Variants in VIT observed in about 807,000 individuals in gnomAD.
VIT encodes vitrin.
VIT carries 99 observed loss-of-function variants against 78.0 expected under a neutral mutation model. The observed-to-expected ratio is 1.27, with a 90% CI of 1.08 to 1.50. The LOEUF (loss-of-function observed/expected upper bound fraction) is 1.50, where lower values mean the gene tolerates loss of function less well. Among genes scored for constraint, VIT ranks in the 40% most tolerant of loss-of-function variants. The pLI, the probability that VIT is intolerant of heterozygous loss-of-function variation, is 0.00. For synonymous variants in VIT, 374 were observed against 334.3 expected, an observed-to-expected ratio of 1.12 and a Z score of -1.29; for missense variants, 1,126 against 875.3, an observed-to-expected ratio of 1.29 and a Z score of -3.61.
At chr2:36,726,833 A>C (rs985366160) in intron 2 of VIT, among the ~76,000 whole-genome samples, 1 of 147,796 alleles carries the variant, frequency 6.8e-6, no homozygotes. Context: ...AAAAAAAAAA[A>C]AAAAAAAAAA....
At chr2:36,736,612 T>C (rs976046011) in intron 3 of VIT, among the ~76,000 whole-genome samples, 9 of 152,216 alleles carry the variant, frequency 5.9e-5, no homozygotes, top group Admixed American at 2.0e-4. Context: ...GATGATTCCA[T>C]GCAACGTGTT....
chr2:36,760,991 T>A (rs1381944348), intron 6 of VIT, among the ~76,000 whole-genome samples: 2 of 151,616 alleles, frequency 1.3e-5, no homozygotes, highest in Admixed American at 1.3e-4. Context: ...GCAGAAACAG[T>A]CCCCAGGTTC....
chr2:36,771,991 A>G (rs1422900435), intron 7 of VIT, among the ~76,000 whole-genome samples: 1 of 152,236 alleles, frequency 6.6e-6, no homozygotes, highest in Non-Finnish European at 1.5e-5. Context: ...ACAACTCTGT[A>G]TGCCAGAATT....
chr2:36,802,608 T>TCA (rs920816869), intron 13 of VIT, among the ~76,000 whole-genome samples: 4 of 152,256 alleles, frequency 2.6e-5, no homozygotes, highest in African/African-American at 7.2e-5. Flanking sequence ...ATTACCTTCA[T>TCA]CACACACATG....
rs1666909270 is a variant in VIT at position 36,808,566 on chromosome 2, A to T, written c.1484A>T (p.Asp495Val). 1.2e-6 allele frequency: 2 copies of T among 1,614,080 alleles called. No homozygotes were observed. The highest frequency in any genetic ancestry group is 1.7e-6 in the Non-Finnish European group (2 of 1,180,036). Reference sequence around the variant, plus strand: ...CAGCCTCTGGTGAAGCGGGTCTGCGACACTGACCGCCTGGCCTGCAGCAAG... The same window carrying T: ...CAGCCTCTGGTGAAGCGGGTCTGCGTCACTGACCGCCTGGCCTGCAGCAAG... ...TLQPLVKRVCDTDRLACSKTC... is the reference protein window; with the variant it reads ...TLQPLVKRVCVTDRLACSKTC... The change falls in exon 15 of 16, where the codon GAC becomes GTC. Residue 495 changes from aspartate (D) to valine (V), a missense_variant. Asp to Val is a radical substitution (Grantham distance 152, BLOSUM62 -3). Transcript: ENST00000379242.
chr2:36,813,529 C>T (rs984603800), intron 15 of VIT, among the ~76,000 whole-genome samples: 1 of 152,084 alleles, frequency 6.6e-6, no homozygotes, highest in South Asian at 2.1e-4. Flanking sequence ...CAGTGTTGGA[C>T]ACCCCTTTCT....
chr2:36,772,366 A>G (rs1287184353), intron 7 of VIT, among the ~76,000 whole-genome samples: 1 of 152,050 alleles, frequency 6.6e-6, no homozygotes, highest in African/African-American at 2.4e-5. Context: ...GAGAAAACCC[A>G]TCTCTAATAA....
At chr2:36,727,362 A>G (rs1666920190) in intron 2 of VIT, among the ~76,000 whole-genome samples, 1 of 152,192 alleles carries the variant, frequency 6.6e-6, no homozygotes, top group Middle Eastern at 3.2e-3. Context: ...ACACACATGC[A>G]CATGCAGTTC....
intron 3 of VIT, 144 bp downstream of exon 3, chr2:36,729,635 G>A: frequency 1.2e-6 from 1 of 805,266 alleles, no homozygotes; most frequent in South Asian, 2.0e-5. Context: ...TTAGTGATAA[G>A]TCTTATCCCC....
chr2:36,770,285 G>T (rs1000117412), intron 7 of VIT, among the ~76,000 whole-genome samples: 14 of 152,326 alleles, frequency 9.2e-5, no homozygotes, highest in African/African-American at 3.4e-4. Flanking sequence ...GCCAAAACAG[G>T]AGCTACCTGT....
At chr2:36,729,992 G>A (rs1423000402) in intron 3 of VIT, among the ~76,000 whole-genome samples, 1 of 152,206 alleles carries the variant, frequency 6.6e-6, no homozygotes, top group Non-Finnish European at 1.5e-5. Context: ...GTTAAGATTA[G>A]ATGACAGAAA....
At chr2:36,715,226 T>G (rs1395720317) in intron 1 of VIT, among the ~76,000 whole-genome samples, 1 of 152,116 alleles carries the variant, frequency 6.6e-6, no homozygotes, top group Non-Finnish European at 1.5e-5. Flanking sequence ...GAGCCCCAGG[T>G]GATGAGTAAA....
intron 3 of VIT, among the ~76,000 whole-genome samples, chr2:36,732,998 G>A (rs1667297885): frequency 6.6e-6 from 1 of 152,098 alleles, no homozygotes; most frequent in Non-Finnish European, 1.5e-5. Flanking sequence ...AGAATAGAAG[G>A]TGAATGTGTA....
At chr2:36,761,560 G>C (rs529136952) in intron 6 of VIT, among the ~76,000 whole-genome samples, 3 of 152,224 alleles carry the variant, frequency 2.0e-5, no homozygotes, top group Admixed American at 1.3e-4. Context: ...CTAACATGGT[G>C]AAACTCCGTC....
At chr2:36,782,880 A>G (rs1486137540) in intron 10 of VIT, among the ~76,000 whole-genome samples, 1 of 152,160 alleles carries the variant, frequency 6.6e-6, no homozygotes, top group Non-Finnish European at 1.5e-5. Context: ...TCCTCATTAG[A>G]TTGTCCTTCT....
chr2:36,754,238 T>A (rs1448062071), intron 4 of VIT, among the ~76,000 whole-genome samples: 4 of 152,052 alleles, frequency 2.6e-5, no homozygotes, highest in Admixed American at 2.6e-4. Context: ...AATCTACATC[T>A]CCCGGTGCCA....
chr2:36,726,641 A>G (rs529731154), intron 2 of VIT, among the ~76,000 whole-genome samples: 1 of 152,162 alleles, frequency 6.6e-6, no homozygotes, highest in East Asian at 1.9e-4. Context: ...AACATGGAGA[A>G]AACCCCATCT....
At chr2:36,813,236 G>C (rs1667315451) in intron 15 of VIT, among the ~76,000 whole-genome samples, 1 of 151,804 alleles carries the variant, frequency 6.6e-6, no homozygotes, top group South Asian at 2.1e-4. Context: ...GATCACTTGA[G>C]GTCAGGAGTT....
chr2:36,735,430 G>A (rs1478334263), intron 3 of VIT, among the ~76,000 whole-genome samples: 2 of 152,200 alleles, frequency 1.3e-5, no homozygotes, highest in South Asian at 2.1e-4. Flanking sequence ...GGGGTAGGGG[G>A]TGGAATTCAA....
Sources: allele counts gnomAD v4.1 joint callset (sites outside exome capture counted in the v4.1 genomes callset), GRCh38; gene constraint gnomAD v4.1.1; transcripts MANE v1.5; gene names NCBI Gene and HGNC (gene_info 2026-07-23, HGNC 2026-07-21).